Variants in KCNE2 observed in about 807,000 individuals in gnomAD.
KCNE2 encodes the protein potassium voltage-gated channel subfamily E regulatory subunit 2.
A neutral mutation model predicts 4.5 loss-of-function variants in KCNE2; 4 were observed. The observed-to-expected ratio is 0.89, with a 90% confidence interval of 0.44 to 2.03. The LOEUF (loss-of-function observed/expected upper bound fraction) is 2.03, where lower values mean the gene tolerates loss of function less well. Ranked by LOEUF, KCNE2 falls within the 30% of genes most tolerant of loss-of-function variation. The pLI is 0.03. For missense variants in KCNE2, 137 were observed against 151.4 expected (o/e 0.90, Z 0.50); for synonymous variants, 57 against 55.9 (o/e 1.02, Z -0.09).
intron 1 of KCNE2, among the ~76,000 whole-genome samples, chr21:34,366,907 A>AT: frequency 7.4e-6 from 1 of 134,268 alleles, no homozygotes; most frequent in African/African-American, 2.8e-5. Context: ...TAAACCCGGG[A>AT]GGCAGAGCTT....
In KCNE2 at chr21:34,368,624, G is replaced by A. The variant is rs142216058; in HGVS notation, c.-12-1843G>A. The stretch of plus-strand genomic sequence containing the variant: ...CAAAAAAACAAAAAATTTTTGCCTT[G>A]CAATCGTTTGCCTTGATGTTATGTC... On this transcript the variant is annotated intron_variant, in intron 1 of 1. Coordinates refer to ENST00000290310, the MANE Select transcript of KCNE2 (RefSeq NM_172201.2). 3.9e-3 allele frequency among the ~76,000 whole-genome samples: 596 copies of A among 152,120 alleles called. 6 individuals are homozygous for A. The highest frequency in any genetic ancestry group is 0.014 in the African/African-American group (574 of 41,472).
At position 34,370,995 on chromosome 21, in the gene KCNE2, GC is replaced by G; in HGVS notation, c.*147del. On this transcript the variant is annotated 3_prime_UTR_variant, in exon 2 of 2. Coordinates refer to ENST00000290310, the MANE Select transcript of KCNE2 (RefSeq NM_172201.2). Reference sequence around the variant, plus strand: ...AATTTTCATGGAGATTATGTGGTTGGCCAATAAAGATAGATGACATTTCAAT... The same window carrying G: ...AATTTTCATGGAGATTATGTGGTTGGCAATAAAGATAGATGACATTTCAAT... 9.9e-7 allele frequency: 1 copy of G among 1,011,450 alleles called. No individual in the cohort carries two copies. Among genetic ancestry groups the G allele is most frequent in the Non-Finnish European group, 1.5e-6 (1 of 664,318 alleles). 62.7% of individuals were successfully genotyped at this position (1,011,450 alleles called of 1,614,324 possible).
intron 1 of KCNE2, among the ~76,000 whole-genome samples, chr21:34,366,945 C>T (rs911146264): frequency 7.6e-6 from 1 of 132,352 alleles, no homozygotes; most frequent in African/African-American, 2.9e-5. Context: ...CGCCACTGCA[C>T]TCCAGCCTGG....
At chr21:34,368,225 ACACAATATATAT>A (rs1251171411) in intron 1 of KCNE2, among the ~76,000 whole-genome samples, 3 of 68,506 alleles carry the variant, frequency 4.4e-5, no homozygotes, top group Admixed American at 2.0e-4. Context: ...ACACACACAC[ACACAATATATAT>A]ATATATATAT....
At chr21:34,368,012 C>G (rs1049896184) in intron 1 of KCNE2, among the ~76,000 whole-genome samples, 2 of 151,978 alleles carry the variant, frequency 1.3e-5, no homozygotes, top group Non-Finnish European at 2.9e-5. Flanking sequence ...TCCCATTCAA[C>G]TGAGCCTCTC....
chr21:34,370,625 C>T lies in KCNE2; in HGVS notation c.147C>T (p.Val49=), dbSNP rs1485672832. The change falls in exon 2 of 2, where the codon GTC becomes GTT. Residue 49 remains valine, a synonymous_variant. Coordinates refer to ENST00000290310, the MANE Select transcript of KCNE2 (RefSeq NM_172201.2). The stretch of plus-strand genomic sequence containing the variant: ...TTGATGCTGAGAACTTCTACTATGT[C>T]ATCCTGTACCTCATGGTGATGATTG... ...AKVDAENFYY[V]ILYLMVMIGM... 3 of 1,614,090 alleles carry T rather than the reference C, an allele frequency of 1.9e-6. No individual in the cohort carries two copies. The highest frequency in any genetic ancestry group is 1.3e-5 in the African/African-American group (1 of 74,920).
At chr21:34,368,054 G>A (rs1015997026) in intron 1 of KCNE2, among the ~76,000 whole-genome samples, 3 of 151,446 alleles carry the variant, frequency 2.0e-5, no homozygotes, top group African/African-American at 4.9e-5. Flanking sequence ...CAGTTTCATC[G>A]CCTAGCATAG....
At chr21:34,368,229 AATATATATATATATAT>A (rs10596236) in intron 1 of KCNE2, among the ~76,000 whole-genome samples, 9 of 84,796 alleles carry the variant, frequency 1.1e-4, no homozygotes, top group East Asian at 4.7e-4. Flanking sequence ...ACACACACAC[AATATATATATATATAT>A]ATATATATAT....
At chr21:34,367,115 C>T (rs1979343290) in intron 1 of KCNE2, among the ~76,000 whole-genome samples, 1 of 147,574 alleles carries the variant, frequency 6.8e-6, no homozygotes, top group Non-Finnish European at 1.5e-5. Flanking sequence ...GGCTGGGCTT[C>T]CTACAAGAGA....
At chr21:34,366,791 A>G (rs1398327786) in intron 1 of KCNE2, among the ~76,000 whole-genome samples, 2 of 151,426 alleles carry the variant, frequency 1.3e-5, no homozygotes, top group Admixed American at 6.6e-5. Flanking sequence ...CATCCTGGCT[A>G]ACATGGTGAA....
At chr21:34,367,362 G>T (rs1979355597) in intron 1 of KCNE2, among the ~76,000 whole-genome samples, 1 of 152,120 alleles carries the variant, frequency 6.6e-6, no homozygotes, top group Non-Finnish European at 1.5e-5. Context: ...AAAGTCTTGA[G>T]TGGATTAAAG....
At chr21:34,368,229 AAT>A (rs10596236) in intron 1 of KCNE2, among the ~76,000 whole-genome samples, 8,307 of 84,440 alleles carry the variant, frequency 0.098, 377 homozygotes, top group Middle Eastern at 0.18. Flanking sequence ...ACACACACAC[AAT>A]ATATATATAT....
chr21:34,366,974 CAAAAAAAAAAAAAA>C (rs747133749), intron 1 of KCNE2, among the ~76,000 whole-genome samples: 9 of 14,822 alleles, frequency 6.1e-4, no homozygotes, highest in African/African-American at 1.4e-3. Context: ...GACTCCATCT[CAAAAAAAAAAAAAA>C]AAAAAAAAAA....
chr21:34,368,004 C>G (rs747713894), intron 1 of KCNE2, among the ~76,000 whole-genome samples: 1 of 151,868 alleles, frequency 6.6e-6, no homozygotes, highest in Non-Finnish European at 1.5e-5. Context: ...TTGGTCTCTC[C>G]CATTCAACTG....
chr21:34,368,489 A>G (rs1979442868), intron 1 of KCNE2, among the ~76,000 whole-genome samples: 1 of 151,802 alleles, frequency 6.6e-6, no homozygotes, highest in African/African-American at 2.4e-5. Context: ...AGTCCCAGCT[A>G]CTTGGGAGGC....
At chr21:34,364,508 G>A (rs138163333) in intron 1 of KCNE2, among the ~76,000 whole-genome samples, 4,755 of 152,202 alleles carry the variant, frequency 0.031, 249 homozygotes, top group African/African-American at 0.11. Flanking sequence ...GGTGGCTCAC[G>A]CCTGTAATCC....
At chr21:34,368,226 CACAA>C (rs1233013250) in intron 1 of KCNE2, among the ~76,000 whole-genome samples, 44 of 63,198 alleles carry the variant, frequency 7.0e-4, no homozygotes, top group East Asian at 2.8e-3. Flanking sequence ...CACACACACA[CACAA>C]TATATATATA....
chr21:34,370,520 C>A lies in KCNE2; in HGVS notation c.42C>A (p.Val14=), dbSNP rs2123423554. 1 of 1,614,212 alleles carries A rather than the reference C, an allele frequency of 6.2e-7. No homozygotes were observed. The highest frequency in any genetic ancestry group is 1.1e-5 in the South Asian group (1 of 91,072). Residue 14 remains valine (V), a synonymous_variant, in exon 2 of 2, where the codon GTC becomes GTA. Coordinates refer to ENST00000290310, the MANE Select transcript of KCNE2 (RefSeq NM_172201.2). ...ATTTCACACAGACGCTGGAAGACGT[C>A]TTCCGAAGGATTTTTATTACTTATA... ...LSNFTQTLED[V]FRRIFITYMD... is the part of the protein sequence containing the mutation.
Position 34,370,975 on chromosome 21 carries a change from T to G in KCNE2, c.*125T>G, listed in dbSNP as rs1352336297. 8.2e-7 allele frequency: 1 copy of G among 1,219,058 alleles called. No individual in the cohort carries two copies. The highest frequency in any genetic ancestry group is 1.2e-6 in the Non-Finnish European group (1 of 843,222). 75.5% of individuals were successfully genotyped at this position (1,219,058 alleles called of 1,614,324 possible). ...GTTCCTTGCTCTCTGTTGAGAATTTTCATGGAGATTATGTGGTTGGCCAAT... is the reference window on the plus strand; with the variant it reads ...GTTCCTTGCTCTCTGTTGAGAATTTGCATGGAGATTATGTGGTTGGCCAAT... On this transcript the variant is annotated 3_prime_UTR_variant, in exon 2 of 2. Transcript: ENST00000290310.
Sources: allele counts gnomAD v4.1 joint callset (sites outside exome capture counted in the v4.1 genomes callset), GRCh38; gene constraint gnomAD v4.1.1; transcripts MANE v1.5; gene names NCBI Gene and HGNC (gene_info 2026-07-23, HGNC 2026-07-21).